ATP13A4: variants seen among roughly 807,000 people sequenced by gnomAD.
ATP13A4 encodes the protein ATPase 13A4.
ATP13A4 carries 114 observed loss-of-function variants against 142.5 expected under a neutral mutation model. The ratio of observed to expected loss-of-function variants is 0.80; its 90% CI spans 0.69 to 0.93. The LOEUF (loss-of-function observed/expected upper bound fraction) is 0.93. Among genes scored for constraint, ATP13A4 ranks in the 40% least tolerant of loss-of-function variants. The pLI, the probability that ATP13A4 is intolerant of heterozygous loss-of-function variation, is 0.00. For missense variants in ATP13A4, 1,392 were observed against 1,454.0 expected, an observed-to-expected ratio of 0.96 and a Z score of 0.69; for synonymous variants, 488 against 514.8, an observed-to-expected ratio of 0.95 and a Z score of 0.70.
rs988950897 is a variant in ATP13A4, at chr3:193,399,803, G to A, written c.*2849C>T. On this transcript the variant is annotated 3_prime_UTR_variant, in exon 30 of 30. Coordinates refer to ENST00000342695, the MANE Select transcript of ATP13A4 (RefSeq NM_032279.4). Reference sequence around the variant, plus strand: ...GGAGCTGGCAGTGAGCCGAGATTGTGCCACTGCACTCTAGCCTGGGCAACA... The same window carrying A: ...GGAGCTGGCAGTGAGCCGAGATTGTACCACTGCACTCTAGCCTGGGCAACA... Among the ~76,000 whole-genome samples, 9 of 124,554 alleles carry A rather than the reference G, an allele frequency of 7.2e-5. No individual in the cohort carries two copies. Among genetic ancestry groups the A allele is most frequent in the African/African-American group, 2.8e-4 (9 of 32,416 alleles). The allele number at this position is 124,554 out of a possible 152,430, so 81.7% of individuals were successfully genotyped here.
intron 2 of ATP13A4, among the ~76,000 whole-genome samples, chr3:193,569,285 A>G (rs765484443): frequency 2.0e-5 from 3 of 152,242 alleles, no homozygotes; most frequent in Non-Finnish European, 4.4e-5. Context: ...GTGGTACAAA[A>G]TACCAGTCTA....
At chr3:193,538,880 T>C (rs1458726275) in intron 1 of ATP13A4, among the ~76,000 whole-genome samples, 7 of 149,390 alleles carry the variant, frequency 4.7e-5, no homozygotes. Context: ...TTTCTTTCTT[T>C]CTTGGTTTTT....
chr3:193,441,702 A>T (rs756266435), intron 19 of ATP13A4, 114 bp from the exon 20 acceptor site: 33 of 1,289,010 alleles, frequency 2.6e-5, no homozygotes, highest in Non-Finnish European at 3.5e-5. Context: ...TGTAAAAGTC[A>T]CTCTGATTCC....
intron 13 of ATP13A4, 61 bp downstream of exon 13, chr3:193,462,701 C>A (rs765218110): frequency 3.6e-5 from 54 of 1,500,442 alleles, no homozygotes; most frequent in Admixed American, 2.2e-4. Context: ...CAAGAGAAAA[C>A]ACGGAATTTT....
intron 25 of ATP13A4, among the ~76,000 whole-genome samples, chr3:193,426,862 TA>T (rs1275065631): frequency 6.6e-6 from 1 of 151,940 alleles, no homozygotes; most frequent in Non-Finnish European, 1.5e-5. Context: ...ATCAATGACC[TA>T]AATGTAAGAG....
chr3:193,407,214 A>G (rs1714541640), intron 29 of ATP13A4, 99 bp downstream of exon 29: 3 of 1,058,670 alleles, frequency 2.8e-6, no homozygotes, highest in Non-Finnish European at 2.9e-6. Flanking sequence ...TGCTGAGTCC[A>G]TGTCAGCTAA....
intron 25 of ATP13A4, among the ~76,000 whole-genome samples, chr3:193,426,579 T>C (rs1057348195): frequency 1.3e-5 from 2 of 151,896 alleles, no homozygotes; most frequent in Non-Finnish European, 1.5e-5. Flanking sequence ...AAAAATAGCA[T>C]TGAAGGACTC....
chr3:193,573,276 C>CTTATATATATATGT (rs745558107), intron 2 of ATP13A4, among the ~76,000 whole-genome samples: 9 of 77,832 alleles, frequency 1.2e-4, no homozygotes, highest in East Asian at 6.9e-4. Flanking sequence ...TATATATATA[C>CTTATATATATATGT]ATATATATAT....
rs74625295 is a variant in ATP13A4 at position 193,548,455 on chromosome 3, G to A, written c.60+6285C>T. On this transcript the variant is annotated intron_variant, in intron 1 of 29. Coordinates refer to ENST00000342695, the MANE Select transcript of ATP13A4 (RefSeq NM_032279.4). Reference sequence around the variant, plus strand: ...TATCGAAGATGAGTTGACTTCATGGGAGTTCTGCAGCAATGAATTGAGAAT... The same window carrying A: ...TATCGAAGATGAGTTGACTTCATGGAAGTTCTGCAGCAATGAATTGAGAAT... Among the ~76,000 whole-genome samples the A allele has an allele frequency of 5.4e-3, 830 of 152,302 alleles. 13 individuals carry two copies. Among genetic ancestry groups the A allele is most frequent in the African/African-American group, 0.019 (781 of 41,574 alleles).
chr3:193,541,203 C>T (rs1297299916), intron 1 of ATP13A4, among the ~76,000 whole-genome samples: 4 of 138,756 alleles, frequency 2.9e-5, no homozygotes, highest in East Asian at 2.1e-4. Flanking sequence ...GAGCCGAGAT[C>T]GAGCCACTGC....
intron 17 of ATP13A4, among the ~76,000 whole-genome samples, chr3:193,450,327 A>G (rs1481206635): frequency 6.6e-6 from 1 of 152,192 alleles, no homozygotes; most frequent in Non-Finnish European, 1.5e-5. Flanking sequence ...AGTGCTCAGC[A>G]AATGTGTGCC....
rs200629696 is a variant in ATP13A4, at chr3:193,554,691, G to A, written c.60+49C>T. On this transcript the variant is annotated intron_variant, in intron 1 of 29. Coordinates refer to ENST00000342695, the MANE Select transcript of ATP13A4 (RefSeq NM_032279.4). The stretch of plus-strand genomic sequence containing the variant: ...GTGTGTGTGTGTGTGTGTGTGTCTC[G>A]CAGGCTGAGAAGTGGGATGGGAAGA... 5.3e-5 allele frequency: 75 copies of A among 1,410,840 alleles called. No homozygotes were observed. In the East Asian group the frequency reaches 1.3e-3, roughly 24 times the overall value. The allele number at this position is 1,410,840 out of a possible 1,614,324, so 87.4% of individuals were successfully genotyped here.
chr3:193,532,419 A>G (rs776497132), intron 1 of ATP13A4, among the ~76,000 whole-genome samples: 9 of 148,000 alleles, frequency 6.1e-5, no homozygotes, highest in African/African-American at 2.3e-4. Context: ...CTTACAGATA[A>G]TAGGCCCCCA....
At position 193,489,741 on chromosome 3, in the gene ATP13A4, C is replaced by T; in HGVS notation, c.727G>A (p.Asp243Asn). 2 of 1,609,092 alleles carry T rather than the reference C, an allele frequency of 1.2e-6. No homozygotes were observed. The highest frequency in any genetic ancestry group is 1.7e-6 in the Non-Finnish European group (2 of 1,175,586). ...SIISISLTVY[D>N]LREQSVKLHH... is the part of the protein sequence containing the mutation. ...ATAGAAAAACTCACCTCTCTGAGATCATATACTGTCAAAGATATGGAAATT... is the reference window on the plus strand; with the variant it reads ...ATAGAAAAACTCACCTCTCTGAGATTATATACTGTCAAAGATATGGAAATT... Residue 243 changes from aspartate (D) to asparagine (N), a missense_variant, in exon 7 of 30, where the codon GAT (aspartate) becomes AAT (asparagine). Physicochemically the swap from Asp to Asn is conservative, Grantham distance 23 (BLOSUM62 1). Coordinates refer to ENST00000342695, the MANE Select transcript of ATP13A4 (RefSeq NM_032279.4).
At chr3:193,492,379 A>G (rs1472989090) in intron 5 of ATP13A4, among the ~76,000 whole-genome samples, 1 of 152,182 alleles carries the variant, frequency 6.6e-6, no homozygotes, top group Non-Finnish European at 1.5e-5. Context: ...CTCTTGACAT[A>G]CCAGTGCCCT....
At chr3:193,427,842 A>G (rs1013747101) in intron 25 of ATP13A4, among the ~76,000 whole-genome samples, 2 of 152,206 alleles carry the variant, frequency 1.3e-5, no homozygotes, top group African/African-American at 2.4e-5. Flanking sequence ...AAACCCTAGA[A>G]GAAAACCTAG....
At chr3:193,493,303 C>G in intron 3 of ATP13A4, 143 bp from the exon 4 acceptor site, 2 of 745,102 alleles carry the variant, frequency 2.7e-6, no homozygotes, top group Non-Finnish European at 4.4e-6. Flanking sequence ...TTCTAATTTA[C>G]CCTTTGCTTT....
chr3:193,535,466 CA>C (rs999765076), intron 1 of ATP13A4, among the ~76,000 whole-genome samples: 17 of 149,180 alleles, frequency 1.1e-4, no homozygotes, highest in African/African-American at 2.7e-4. Context: ...GATAAAAAAA[CA>C]AAAAAAAATA....
At position 193,402,268 on chromosome 3, in the gene ATP13A4, T is replaced by C; in HGVS notation, c.*384A>G. ...ATCGATGAAGTAAAAATTCAAAAAT[T>C]ACAACTCCGTGAGTATACACAGTAC... On this transcript the variant is annotated 3_prime_UTR_variant, in exon 30 of 30. Coordinates refer to ENST00000342695, the MANE Select transcript of ATP13A4 (RefSeq NM_032279.4). 1 of 170,338 alleles carries C rather than the reference T, an allele frequency of 5.9e-6. No individual in the cohort carries two copies. Among genetic ancestry groups the C allele is most frequent in the Non-Finnish European group, 1.3e-5 (1 of 78,782 alleles). The allele number at this position is 170,338 out of a possible 1,614,324, so 10.6% of individuals were successfully genotyped here.
Sources: gnomAD v4.1 joint callset for allele counts (sites outside exome capture counted in the v4.1 genomes callset) on GRCh38, gnomAD v4.1.1 for gene constraint, MANE v1.5 for transcripts, NCBI Gene and HGNC (gene_info 2026-07-23, HGNC 2026-07-21) for gene names.